Variants in LCMT1 observed in about 807,000 individuals in gnomAD.
LCMT1 encodes the protein leucine carboxyl methyltransferase 1.
Under a neutral mutation model 47.7 loss-of-function variants are expected in LCMT1, and 32 were observed. That is an observed-to-expected ratio of 0.67 (90% CI 0.51 to 0.90). LCMT1 has a LOEUF of 0.90. Among genes scored for constraint, LCMT1 ranks in the 40% least tolerant of loss-of-function variants. The pLI, the probability that LCMT1 is intolerant of heterozygous loss-of-function variation, is 0.00. For missense variants in LCMT1, 375 were observed against 415.2 expected, an observed-to-expected ratio of 0.90 and a Z score of 0.84; for synonymous variants, 152 against 149.7, an observed-to-expected ratio of 1.02 and a Z score of -0.11.
chr16:25,177,577 T>C (rs1201519163), intron 10 of LCMT1, among the ~76,000 whole-genome samples: 15 of 152,230 alleles, frequency 9.9e-5, no homozygotes, highest in Admixed American at 9.8e-4. Context: ...TTATTTGTAA[T>C]ACTTTTAAGT....
intron 1 of LCMT1, among the ~76,000 whole-genome samples, chr16:25,122,431 C>G (rs938776654): frequency 6.6e-6 from 1 of 152,194 alleles, no homozygotes; most frequent in Non-Finnish European, 1.5e-5. Flanking sequence ...ACCTCACCCT[C>G]CCGAGTAGCT....
intron 9 of LCMT1, 29 bp from the exon 10 acceptor site, chr16:25,174,908 G>T: frequency 8.1e-7 from 1 of 1,237,290 alleles, no homozygotes; most frequent in Non-Finnish European, 1.2e-6. Context: ...GCAGACACTT[G>T]CATCGTTCTA....
intron 10 of LCMT1, 125 bp from the exon 11 acceptor site, chr16:25,177,876 A>AG: frequency 1.3e-6 from 1 of 771,468 alleles, no homozygotes; most frequent in Non-Finnish European, 2.3e-6. Context: ...ATGTAGCAGG[A>AG]GGGCGGTGCT....
intron 5 of LCMT1, among the ~76,000 whole-genome samples, chr16:25,152,773 T>C (rs1961121521): frequency 6.6e-6 from 1 of 152,166 alleles, no homozygotes; most frequent in South Asian, 2.1e-4. Context: ...CTTGATCTGC[T>C]TCACTCAATT....
chr16:25,138,447 G>A (rs1345802839), intron 3 of LCMT1, among the ~76,000 whole-genome samples: 1 of 152,116 alleles, frequency 6.6e-6, no homozygotes, highest in East Asian at 1.9e-4. Context: ...ATAGGATGAT[G>A]TGTGCGTGAC....
intron 7 of LCMT1, among the ~76,000 whole-genome samples, chr16:25,166,882 C>T (rs892004769): frequency 3.3e-5 from 5 of 152,172 alleles, no homozygotes; most frequent in Non-Finnish European, 5.9e-5. Flanking sequence ...GGAAGCTGGC[C>T]TCACTGGTCT....
chr16:25,149,554 C>T (rs1243828887), intron 4 of LCMT1, among the ~76,000 whole-genome samples: 4 of 152,184 alleles, frequency 2.6e-5, no homozygotes, highest in Non-Finnish European at 4.4e-5. Context: ...AAAGTGACCC[C>T]ATATTTTCAT....
chr16:25,130,172 C>T (rs1384534924), intron 2 of LCMT1, among the ~76,000 whole-genome samples: 1 of 151,882 alleles, frequency 6.6e-6, no homozygotes, highest in East Asian at 1.9e-4. Flanking sequence ...AACCCCGTCT[C>T]TACTAAAAAT....
intron 5 of LCMT1, among the ~76,000 whole-genome samples, chr16:25,159,906 T>G (rs555389275): frequency 3.9e-5 from 6 of 152,172 alleles, no homozygotes; most frequent in Admixed American, 3.3e-4. Context: ...GAATAATGTC[T>G]GGAAGTTGAG....
chr16:25,168,396 C>T (rs370659407), intron 7 of LCMT1, among the ~76,000 whole-genome samples: 30 of 152,282 alleles, frequency 2.0e-4, no homozygotes, highest in African/African-American at 7.2e-4. Flanking sequence ...CAATGGTGTA[C>T]ACTAATATTG....
Position 25,136,108 on chromosome 16 carries a change from A to C in LCMT1, c.327+3585A>C, listed in dbSNP as rs540377785. On this transcript the variant is annotated intron_variant, in intron 3 of 10. Transcript: ENST00000399069. ...GCTGTCTCAAAAAAAAAAAAAAAAA[A>C]AAAGGAAAGGAATAATGGGTGAGTG... Among the ~76,000 whole-genome samples, 55 of 151,856 alleles carry C rather than the reference A, an allele frequency of 3.6e-4. No homozygotes were observed. In the South Asian group the frequency reaches 0.011, roughly 29 times the overall value.
rs184875825 is a variant in LCMT1 at position 25,143,682 on chromosome 16, T to C, written c.404+3435T>C. ...TTCCCCTGTGTTGAACCAGTTTAAG[T>C]CAAGAAGGGGGAATTGGATGGGTGT... On this transcript the variant is annotated intron_variant, in intron 4 of 10. Transcript: ENST00000399069. 6 of 152,180 alleles carry C rather than the reference T, an allele frequency of 3.9e-5. No homozygotes were observed. In the East Asian group the frequency reaches 1.2e-3, roughly 29 times the overall value. 9.4% of individuals were successfully genotyped at this position (152,180 alleles called of 1,614,324 possible).
chr16:25,139,127 G>A (rs948429872), intron 3 of LCMT1, among the ~76,000 whole-genome samples: 2 of 152,072 alleles, frequency 1.3e-5, no homozygotes, highest in African/African-American at 4.8e-5. Flanking sequence ...GGCCAGGATG[G>A]TCTCGGTCTC....
intron 8 of LCMT1, among the ~76,000 whole-genome samples, chr16:25,170,504 C>G (rs1461573341): frequency 3.3e-5 from 5 of 152,190 alleles, no homozygotes; most frequent in Non-Finnish European, 7.3e-5. Flanking sequence ...CTGGCTCACA[C>G]CTCTCATCCC....
At chr16:25,175,863 C>CA (rs1315702996) in intron 10 of LCMT1, among the ~76,000 whole-genome samples, 3 of 152,108 alleles carry the variant, frequency 2.0e-5, no homozygotes, top group Non-Finnish European at 4.4e-5. Context: ...TTTTATAGCA[C>CA]AAAAACCAAG....
chr16:25,168,780 C>G (rs765447785), intron 7 of LCMT1, among the ~76,000 whole-genome samples: 2 of 152,184 alleles, frequency 1.3e-5, no homozygotes, highest in African/African-American at 2.4e-5. Context: ...TTTCCAGATT[C>G]TTCCTATTAT....
intron 2 of LCMT1, among the ~76,000 whole-genome samples, chr16:25,130,655 A>C (rs1960323436): frequency 6.6e-6 from 1 of 152,194 alleles, no homozygotes; most frequent in South Asian, 2.1e-4. Flanking sequence ...CAAAAAAAAG[A>C]ATCTTCAGTA....
chr16:25,164,798 T>C, intron 7 of LCMT1, 80 bp downstream of exon 7: 2 of 1,566,410 alleles, frequency 1.3e-6, no homozygotes, highest in Non-Finnish European at 1.8e-6. Context: ...TTAGGATAAC[T>C]TCCCTTATCC....
At chr16:25,175,145 C>T (rs2141721153) in intron 10 of LCMT1, 111 bp downstream of exon 10, 1 of 639,668 alleles carries the variant, frequency 1.6e-6, no homozygotes, top group Non-Finnish European at 2.7e-6. Context: ...CTCTCTGTCC[C>T]TTCTTTCTTG....
Sources: gnomAD v4.1 joint callset for allele counts (sites outside exome capture counted in the v4.1 genomes callset) on GRCh38, gnomAD v4.1.1 for gene constraint, MANE v1.5 for transcripts, NCBI Gene and HGNC (gene_info 2026-07-23, HGNC 2026-07-21) for gene names.